Variants in CEP97 observed in about 807,000 individuals in gnomAD.
CEP97 encodes centrosomal protein of 97 kDa.
In CEP97, 43 loss-of-function variants were observed where a neutral mutation model predicts 73.1. That is an observed-to-expected ratio of 0.59 (90% confidence interval 0.46 to 0.76). The LOEUF is 0.76. Among genes scored for constraint, CEP97 ranks in the 30% least tolerant of loss-of-function variants. The pLI is 0.00. For synonymous variants in CEP97, 337 were observed against 370.0 expected (o/e 0.91, Z 1.02); for missense variants, 939 against 1,014.0 (o/e 0.93, Z 1.00).
At chr3:101,759,561 A>G (rs1392581177) in intron 9 of CEP97, 1 of 152,312 alleles carries the variant, frequency 6.6e-6, no homozygotes, top group Non-Finnish European at 1.5e-5. Context: ...GATGTTGACT[A>G]GAAATCATTG....
At chr3:101,728,667 C>A (rs745643224) in intron 3 of CEP97, 169 bp from the exon 4 acceptor site, 1 of 592,376 alleles carries the variant, frequency 1.7e-6, no homozygotes. Context: ...TACAACCTGA[C>A]AATCTACTAA....
chr3:101,754,042 CTTTTTTTT>C (rs35323976), intron 6 of CEP97, among the ~76,000 whole-genome samples: 2 of 75,472 alleles, frequency 2.6e-5, no homozygotes, highest in Non-Finnish European at 4.7e-5. Flanking sequence ...ATTTGGCCAT[CTTTTTTTT>C]TTTTTTTTTT....
chr3:101,744,812 A>G (rs1422048652), intron 6 of CEP97, among the ~76,000 whole-genome samples: 1 of 152,228 alleles, frequency 6.6e-6, no homozygotes, highest in Non-Finnish European at 1.5e-5. Flanking sequence ...TTTCCTGGTC[A>G]ACATTGAGAA....
Position 101,757,947 on chromosome 3 carries a change from G to A in CEP97, c.1341G>A (p.Val447=), listed in dbSNP as rs1482039824. ...DESVKGLESQ[V]LDKEEEQPLW... ...CTGTGAAAGGGCTGGAAAGCCAGGT[G>A]TTGGATAAGGAAGAGGAACAGCCTT... Residue 447 remains valine, a synonymous_variant, in exon 9 of 11, where the codon GTG becomes GTA. Transcript: ENST00000341893. 2 of 1,614,252 alleles carry A rather than the reference G, an allele frequency of 1.2e-6. No homozygotes were observed. Among genetic ancestry groups the A allele is most frequent in the Non-Finnish European group, 1.7e-6 (2 of 1,180,050 alleles).
intron 6 of CEP97, 58 bp downstream of exon 6, chr3:101,732,712 T>A: frequency 7.1e-7 from 1 of 1,409,160 alleles, no homozygotes; most frequent in Non-Finnish European, 9.8e-7. Context: ...TCTAGTTTAC[T>A]ACAGATTAAT....
intron 6 of CEP97, among the ~76,000 whole-genome samples, chr3:101,749,361 A>G (rs1234277464): frequency 2.1e-5 from 3 of 145,982 alleles, no homozygotes; most frequent in Admixed American, 1.4e-4. Context: ...TCCATGGTGT[A>G]TATGTGCCAC....
At chr3:101,730,229 T>TTGTTTTG (rs1476696498) in intron 4 of CEP97, among the ~76,000 whole-genome samples, 1 of 101,700 alleles carries the variant, frequency 9.8e-6, no homozygotes, top group African/African-American at 3.3e-5. Flanking sequence ...GCCGAGTCTG[T>TTGTTTTG]TTTTTTGTTT....
At position 101,732,564 on chromosome 3, in the gene CEP97, C is replaced by G. The variant is rs1237427920; in HGVS notation, c.638C>G (p.Ser213Cys). The G allele has an allele frequency of 1.9e-6, 3 of 1,613,742 alleles. No individual in the cohort carries two copies. Among genetic ancestry groups the G allele is most frequent in the Non-Finnish European group, 2.5e-6 (3 of 1,179,630 alleles). Residue 213 changes from serine to cysteine, a missense_variant, in exon 6 of 11, where the codon TCC becomes TGC. Transcript: ENST00000341893. ...MNNPCVMATP[S>C]IPGFDYRPYI... ...AATCCTTGTGTGATGGCAACACCAT[C>G]CATCCCAGGATTTGACTATCGGCCG...
rs1938152167 is a variant in CEP97, at chr3:101,732,703, C to A, written c.728+49C>A. On this transcript the variant is annotated intron_variant, in intron 6 of 10. Transcript: ENST00000341893. ...ACAAATGTTACTGAAAAGACCATTT[C>A]TAGTTTACTACAGATTAATAGAGTA... is the stretch of plus-strand genomic sequence containing the variant. 3.4e-6 allele frequency: 5 copies of A among 1,472,132 alleles called. No individual in the cohort carries two copies. In the East Asian group the frequency reaches 1.1e-4, roughly 34 times the overall value. 91.2% of individuals were successfully genotyped at this position (1,472,132 alleles called of 1,614,324 possible).
At chr3:101,763,364 C>T (rs1224606681) in intron 10 of CEP97, among the ~76,000 whole-genome samples, 1 of 151,710 alleles carries the variant, frequency 6.6e-6, no homozygotes, top group Non-Finnish European at 1.5e-5. Flanking sequence ...ATGGTATTCA[C>T]CAACATGGAA....
intron 4 of CEP97, 63 bp downstream of exon 4, chr3:101,729,000 T>C: frequency 1.1e-6 from 1 of 947,296 alleles, no homozygotes; most frequent in Non-Finnish European, 1.7e-6. Flanking sequence ...AAAGTAATCT[T>C]ACTGACCTAA....
rs961520201 is a variant in CEP97 at position 101,731,853 on chromosome 3, A to T, written c.461A>T (p.His154Leu). 1.3e-6 allele frequency: 2 copies of T among 1,594,162 alleles called. No homozygotes were observed. The highest frequency in any genetic ancestry group is 1.7e-6 in the Non-Finnish European group (2 of 1,163,596). Reference sequence around the variant, plus strand: ...TTTACTTTCAAGACCCTGCTTTTACATGGAAACATCATCACCTCTCTTAGA... The same window carrying T: ...TTTACTTTCAAGACCCTGCTTTTACTTGGAAACATCATCACCTCTCTTAGA... ...KLVSLKTLLL[H>L]GNIITSLRMA... The change falls in exon 5 of 11, where the codon CAT (histidine) becomes CTT (leucine). Residue 154 changes from histidine to leucine, a missense_variant. Coordinates refer to ENST00000341893, the MANE Select transcript of CEP97 (RefSeq NM_024548.4).
chr3:101,726,439 CAA>C (rs1214079060), intron 1 of CEP97, among the ~76,000 whole-genome samples, 153 bp from the exon 2 acceptor site: 1 of 152,134 alleles, frequency 6.6e-6, no homozygotes, highest in East Asian at 1.9e-4. Flanking sequence ...ATTTAGAACT[CAA>C]GATTGCTTTA....
rs761117689 is a variant in CEP97, at chr3:101,757,833, A to G, written c.1227A>G (p.Ala409=). 6.2e-7 allele frequency: 1 copy of G among 1,614,272 alleles called. No individual in the cohort carries two copies. Among genetic ancestry groups the G allele is most frequent in the East Asian group, 2.2e-5 (1 of 44,892 alleles). ...LSSESTFMPV[A]SGLSPLSPTV... ...CAGAGTCTACTTTTATGCCAGTTGC[A>G]TCAGGACTGTCTCCACTATCACCTA... is the stretch of plus-strand genomic sequence containing the variant. Residue 409 remains alanine, a synonymous_variant, in exon 9 of 11, where the codon GCA becomes GCG. Coordinates refer to ENST00000341893, the MANE Select transcript of CEP97 (RefSeq NM_024548.4).
intron 6 of CEP97, among the ~76,000 whole-genome samples, chr3:101,754,042 CTTTTTTTTTTT>C (rs35323976): frequency 1.3e-5 from 1 of 75,468 alleles, no homozygotes; most frequent in East Asian, 5.0e-4. Context: ...ATTTGGCCAT[CTTTTTTTTTTT>C]TTTTTTTTTT....
chr3:101,741,393 C>G (rs1938446230), intron 6 of CEP97, among the ~76,000 whole-genome samples: 1 of 152,142 alleles, frequency 6.6e-6, no homozygotes, highest in African/African-American at 2.4e-5. Flanking sequence ...AAAGCAATGG[C>G]AACAAAAGCC....
intron 6 of CEP97, among the ~76,000 whole-genome samples, chr3:101,739,536 T>G (rs1938379485): frequency 6.6e-6 from 1 of 152,174 alleles, no homozygotes; most frequent in South Asian, 2.1e-4. Context: ...TCAATAAACA[T>G]AATCCATCAC....
intron 6 of CEP97, among the ~76,000 whole-genome samples, chr3:101,741,009 C>T (rs532029700): frequency 2.6e-5 from 4 of 152,304 alleles, no homozygotes; most frequent in East Asian, 1.9e-4. Flanking sequence ...TATCACGCTA[C>T]CTGACTTCAA....
chr3:101,742,014 C>A (rs1194943947), intron 6 of CEP97, among the ~76,000 whole-genome samples: 1 of 150,840 alleles, frequency 6.6e-6, no homozygotes, highest in Non-Finnish European at 1.5e-5. Context: ...TGCACTCCAG[C>A]CTGGGTGACA....
Sources: allele counts gnomAD v4.1 joint callset (sites outside exome capture counted in the v4.1 genomes callset), GRCh38; gene constraint gnomAD v4.1.1; transcripts MANE v1.5; gene names NCBI Gene and HGNC (gene_info 2026-07-23, HGNC 2026-07-21).